NEK10: variants seen among roughly 807,000 people sequenced by gnomAD.
NEK10 encodes the protein serine/threonine-protein kinase Nek10.
Under a neutral mutation model 159.8 loss-of-function variants are expected in NEK10, and 122 were observed. The ratio of observed to expected loss-of-function variants is 0.76; its 90% CI spans 0.66 to 0.89. NEK10 has a LOEUF of 0.89. Among genes scored for constraint, NEK10 ranks in the 40% least tolerant of loss-of-function variants. NEK10 has a pLI of 0.00. For missense variants in NEK10, 1,342 were observed against 1,323.1 expected (o/e 1.01, Z -0.22); for synonymous variants, 466 against 457.1 (o/e 1.02, Z -0.25).
intron 24 of NEK10, among the ~76,000 whole-genome samples, chr3:27,201,986 TA>T (rs200886257): frequency 0.21 from 31,597 of 147,772 alleles, 3,270 homozygotes; most frequent in African/African-American, 0.25. Flanking sequence ...TGGTGAAACC[TA>T]AAAAAAAAAA....
At chr3:27,325,163 C>T (rs1559503663) in intron 5 of NEK10, among the ~76,000 whole-genome samples, 1 of 152,180 alleles carries the variant, frequency 6.6e-6, no homozygotes. Flanking sequence ...AGAAGGTGGT[C>T]CTGGCCAGGT....
intron 23 of NEK10, among the ~76,000 whole-genome samples, chr3:27,255,503 T>TA (rs3214746): frequency 2.6e-5 from 4 of 151,736 alleles, no homozygotes; most frequent in Non-Finnish European, 5.9e-5. Context: ...AGGCTAGATT[T>TA]AAAAAAAAAT....
At chr3:27,220,582 G>A (rs1951998801) in intron 23 of NEK10, among the ~76,000 whole-genome samples, 1 of 151,846 alleles carries the variant, frequency 6.6e-6, no homozygotes, top group Non-Finnish European at 1.5e-5. Flanking sequence ...GCGGGGGTGG[G>A]GGGATCATTT....
At position 27,270,852 on chromosome 3, in the gene NEK10, C is replaced by T. The variant is rs548515769; in HGVS notation, c.2014+13750G>A. Among the ~76,000 whole-genome samples, 15 of 151,698 alleles carry T rather than the reference C, an allele frequency of 9.9e-5. No homozygotes were observed. The South Asian group carries it at 3.2e-3, about 32-fold the overall frequency. On this transcript the variant is annotated intron_variant, in intron 22 of 35. Coordinates refer to ENST00000691995, the MANE Select transcript of NEK10 (RefSeq NM_001394966.1). Reference sequence around the variant, plus strand: ...CACGACCATACATGATCTGGGCGTTCAGAATGACTTTTCTAGTACACACTA... The same window carrying T: ...CACGACCATACATGATCTGGGCGTTTAGAATGACTTTTCTAGTACACACTA...
intron 5 of NEK10, among the ~76,000 whole-genome samples, chr3:27,337,382 C>G (rs2046879354): frequency 6.6e-6 from 1 of 151,968 alleles, no homozygotes; most frequent in Non-Finnish European, 1.5e-5. Context: ...AATGACCATA[C>G]TACCCAAAGT....
rs59740177 is a variant in NEK10, at chr3:27,238,746, CGTGTGTGTGTGTGTGTGTGT to C, written c.2090+17530_2090+17549del. Reference sequence around the variant, plus strand: ...TATTTATCTAACCAACCTCCCCTTTCGTGTGTGTGTGTGTGTGTGTGTGTGTGTGTGTGTGTGTGTGTGTA... The same window carrying C: ...TATTTATCTAACCAACCTCCCCTTTCGTGTGTGTGTGTGTGTGTGTGTGTA... On this transcript the variant is annotated intron_variant, in intron 23 of 35. Transcript: ENST00000691995. 4.5e-4 allele frequency among the ~76,000 whole-genome samples: 62 copies of C among 138,136 alleles called. No individual in the cohort carries two copies. The East Asian group carries it at 0.011, about 24-fold the overall frequency. The allele number at this position is 138,136 out of a possible 152,430, so 90.6% of individuals were successfully genotyped here. A position where few individuals can be genotyped will look rare whatever the true frequency, so the allele number is the denominator to read the frequency against.
chr3:27,216,022 G>T, intron 23 of NEK10: 1 of 471,116 alleles, frequency 2.1e-6, no homozygotes. Context: ...TTTAGGTGGG[G>T]ACAAAGATCC....
intron 23 of NEK10, among the ~76,000 whole-genome samples, chr3:27,225,365 G>C (rs1952526695): frequency 6.6e-6 from 1 of 152,110 alleles, no homozygotes; most frequent in Non-Finnish European, 1.5e-5. Flanking sequence ...TCAATACTTT[G>C]TATCCTTCAA....
chr3:27,314,427 A>G (rs990034828), intron 6 of NEK10, 89 bp from the exon 7 acceptor site: 1 of 790,854 alleles, frequency 1.3e-6, no homozygotes, highest in Non-Finnish European at 2.2e-6. Context: ...CTAAGTTGTC[A>G]TATTTATAAT....
chr3:27,254,992 A>G (rs1956035217), intron 23 of NEK10: 1 of 159,594 alleles, frequency 6.3e-6, no homozygotes, highest in Admixed American at 6.5e-5. Flanking sequence ...ACTTAATTCA[A>G]AGTCTCAGGA....
intron 5 of NEK10, among the ~76,000 whole-genome samples, chr3:27,327,546 A>T (rs563205065): frequency 6.6e-6 from 1 of 152,348 alleles, no homozygotes; most frequent in African/African-American, 2.4e-5. Flanking sequence ...ACATTATTTG[A>T]AAAGGGAAAG....
chr3:27,124,942 G>C (rs1941771528), intron 32 of NEK10, among the ~76,000 whole-genome samples: 1 of 152,110 alleles, frequency 6.6e-6, no homozygotes, highest in Admixed American at 6.6e-5. Context: ...TGAGCATTCA[G>C]CTTATAGTTG....
intron 3 of NEK10, among the ~76,000 whole-genome samples, chr3:27,351,847 C>A (rs1331788838): frequency 2.6e-5 from 4 of 151,928 alleles, no homozygotes; most frequent in African/African-American, 9.7e-5. Flanking sequence ...TGCTGTTCCC[C>A]AAGCCTCCCT....
intron 5 of NEK10, among the ~76,000 whole-genome samples, chr3:27,342,751 A>G (rs1247125308): frequency 6.6e-6 from 1 of 152,060 alleles, no homozygotes. Context: ...GCCTTCCCCC[A>G]AAGTATTGAC....
chr3:27,256,229 A>T, intron 23 of NEK10, 67 bp downstream of exon 23: 1 of 706,290 alleles, frequency 1.4e-6, no homozygotes, highest in Admixed American at 3.3e-5. Flanking sequence ...TTGCAAGTCA[A>T]TAATATAAAT....
chr3:27,129,131 C>A (rs1942318300), intron 32 of NEK10, among the ~76,000 whole-genome samples: 1 of 152,096 alleles, frequency 6.6e-6, no homozygotes, highest in South Asian at 2.1e-4. Flanking sequence ...GGTTGCTTTA[C>A]TCCCCTCGCA....
intron 22 of NEK10, among the ~76,000 whole-genome samples, chr3:27,278,071 TC>T (rs935092550): frequency 3.0e-4 from 45 of 152,330 alleles, no homozygotes; most frequent in Admixed American, 2.6e-3. Flanking sequence ...CATGTATTCT[TC>T]CTTTTTCAAC....
At chr3:27,286,375 C>T (rs1358266671) in intron 20 of NEK10, among the ~76,000 whole-genome samples, 1 of 150,566 alleles carries the variant, frequency 6.6e-6, no homozygotes. Context: ...TGTGAGCCAC[C>T]GCGCCCAGCC....
At chr3:27,254,728 C>T (rs1410789118) in intron 23 of NEK10, among the ~76,000 whole-genome samples, 1 of 152,014 alleles carries the variant, frequency 6.6e-6, no homozygotes, top group African/African-American at 2.4e-5. Flanking sequence ...ACTTTACATG[C>T]TATTAAAACA....
Sources: gnomAD v4.1 joint callset for allele counts (sites outside exome capture counted in the v4.1 genomes callset) on GRCh38, gnomAD v4.1.1 for gene constraint, MANE v1.5 for transcripts, NCBI Gene and HGNC (gene_info 2026-07-23, HGNC 2026-07-21) for gene names.